Variants in SCARA5 observed in about 807,000 individuals in gnomAD.
SCARA5 encodes scavenger receptor class A member 5, also known as scavenger receptor class A, member 5 (putative).
SCARA5 carries 45 observed loss-of-function variants against 46.3 expected under a neutral mutation model. That is an observed-to-expected ratio of 0.97 (90% CI 0.76 to 1.24). The LOEUF (loss-of-function observed/expected upper bound fraction) is 1.24. SCARA5 is among the 50% of genes most tolerant of loss of function. The pLI is 0.00. For synonymous variants in SCARA5, 333 were observed against 306.5 expected (o/e 1.09, Z -0.90); for missense variants, 680 against 689.0 (o/e 0.99, Z 0.15).
intron 1 of SCARA5, among the ~76,000 whole-genome samples, chr8:27,990,098 TGGGAC>T (rs1339575832): frequency 6.6e-6 from 1 of 152,214 alleles, no homozygotes; most frequent in African/African-American, 2.4e-5. Context: ...GGTCAGCTCC[TGGGAC>T]GGGGCTGGAA....
intron 7 of SCARA5, among the ~76,000 whole-genome samples, chr8:27,884,162 T>G (rs762172632): frequency 4.6e-5 from 7 of 152,160 alleles, no homozygotes; most frequent in Non-Finnish European, 8.8e-5. Flanking sequence ...CTCTCGATAT[T>G]GGATGTATTT....
intron 3 of SCARA5, among the ~76,000 whole-genome samples, chr8:27,949,863 C>G (rs1808096386): frequency 6.6e-6 from 1 of 152,196 alleles, no homozygotes; most frequent in Admixed American, 6.5e-5. Flanking sequence ...GGGGTGGGAC[C>G]TGAGGGGAGC....
intron 2 of SCARA5, among the ~76,000 whole-genome samples, chr8:27,980,102 C>T (rs891414660): frequency 2.6e-5 from 4 of 152,096 alleles, no homozygotes; most frequent in South Asian, 2.1e-4. Flanking sequence ...CCAGCTAGAG[C>T]GATGGTAAAT....
At chr8:27,944,798 A>T (rs772063347) in intron 3 of SCARA5, among the ~76,000 whole-genome samples, 1 of 151,708 alleles carries the variant, frequency 6.6e-6, no homozygotes, top group African/African-American at 2.4e-5. Context: ...TGAACCTGGG[A>T]GGCAGAGGTT....
intron 2 of SCARA5, among the ~76,000 whole-genome samples, chr8:27,986,182 G>C (rs549277524): frequency 6.6e-6 from 1 of 152,356 alleles, no homozygotes; most frequent in East Asian, 1.9e-4. Flanking sequence ...CAGAACCCCA[G>C]GCCTTCTCCT....
chr8:27,968,850 A>G (rs1476013457), intron 2 of SCARA5, among the ~76,000 whole-genome samples: 1 of 152,208 alleles, frequency 6.6e-6, no homozygotes, highest in Non-Finnish European at 1.5e-5. Context: ...ATTAAAAAGA[A>G]TATTTCCCTT....
intron 2 of SCARA5, among the ~76,000 whole-genome samples, chr8:27,986,374 A>C (rs1361360541): frequency 6.6e-6 from 1 of 152,230 alleles, no homozygotes; most frequent in Non-Finnish European, 1.5e-5. Context: ...TATTATAGGC[A>C]GTTGTTCCCA....
chr8:27,960,696 T>C (rs1022187448), intron 3 of SCARA5, among the ~76,000 whole-genome samples: 5 of 152,116 alleles, frequency 3.3e-5, no homozygotes, highest in Non-Finnish European at 7.4e-5. Context: ...AAAGTCCATA[T>C]CCTGAAGAGA....
chr8:27,892,958 A>C (rs909375155), intron 7 of SCARA5, among the ~76,000 whole-genome samples: 11 of 152,092 alleles, frequency 7.2e-5, no homozygotes, highest in African/African-American at 2.4e-4. Context: ...GCAACAGGGC[A>C]TGTCAAGGAC....
chr8:27,948,144 T>A lies in SCARA5; in HGVS notation c.241+18270A>T, dbSNP rs147190948. Among the ~76,000 whole-genome samples, 282 of 152,212 alleles carry A rather than the reference T, an allele frequency of 1.9e-3. 3 individuals carry two copies. Among genetic ancestry groups the A allele is most frequent in the African/African-American group, 6.4e-3 (264 of 41,508 alleles). On this transcript the variant is annotated intron_variant, in intron 3 of 8. Coordinates refer to ENST00000354914, the MANE Select transcript of SCARA5 (RefSeq NM_173833.6). ...TGATAAATATTATGTTCTGTGTATT[T>A]CACCAGAATAAAGAAAATTCTAAAA...
rs137895423 is a variant in SCARA5 at position 27,942,620 on chromosome 8, G to A, written c.242-20375C>T. Among the ~76,000 whole-genome samples, 476 of 152,274 alleles carry A rather than the reference G, an allele frequency of 3.1e-3. 2 individuals carry two copies. Among genetic ancestry groups the A allele is most frequent in the African/African-American group, 0.01 (435 of 41,566 alleles). On this transcript the variant is annotated intron_variant, in intron 3 of 8. Coordinates refer to ENST00000354914, the MANE Select transcript of SCARA5 (RefSeq NM_173833.6). ...TTTGTATACATCAGTGGTGAACTCT[G>A]AGCACCTGCGTCCACTTCCTTCCCC...
rs74872224 is a variant in SCARA5 at position 27,884,178 on chromosome 8, G to A, written c.1154-4412C>T. ...TCTCGATATTGGATGTATTTGCTGC[G>A]GATCCTTCATCCCTGGCCAGGTGAC... On this transcript the variant is annotated intron_variant, in intron 7 of 8. Coordinates refer to ENST00000354914, the MANE Select transcript of SCARA5 (RefSeq NM_173833.6). 3.0e-4 allele frequency among the ~76,000 whole-genome samples: 46 copies of A among 152,136 alleles called. 1 individual carries two copies. The highest frequency in any genetic ancestry group is 2.2e-3 in the Admixed American group (33 of 15,282).
At chr8:27,873,420 T>C (rs1215463163) in intron 8 of SCARA5, among the ~76,000 whole-genome samples, 1 of 152,206 alleles carries the variant, frequency 6.6e-6, no homozygotes, top group East Asian at 1.9e-4. Flanking sequence ...TATGTCCAGC[T>C]GGCCTGAAGT....
At chr8:27,880,374 T>A (rs1806791619) in intron 7 of SCARA5, among the ~76,000 whole-genome samples, 2 of 132,812 alleles carry the variant, frequency 1.5e-5, no homozygotes, top group African/African-American at 2.9e-5. Flanking sequence ...CTAATTAAAC[T>A]AAAGAGCTTC....
At chr8:27,960,933 A>C (rs895755601) in intron 3 of SCARA5, among the ~76,000 whole-genome samples, 6 of 151,934 alleles carry the variant, frequency 3.9e-5, no homozygotes, top group Admixed American at 6.6e-5. Context: ...TCATGGTAAA[A>C]AATGTTTGAG....
chr8:27,927,497 T>C (rs1484051927), intron 3 of SCARA5, among the ~76,000 whole-genome samples: 3 of 152,244 alleles, frequency 2.0e-5, no homozygotes, highest in Non-Finnish European at 2.9e-5. Context: ...TTCTGGGTTT[T>C]TTCCCACCTA....
Position 27,871,684 on chromosome 8 carries a change from C to T in SCARA5, c.*250G>A. On this transcript the variant is annotated 3_prime_UTR_variant, in exon 9 of 9. Transcript: ENST00000354914. Reference sequence around the variant, plus strand: ...TGGGCAAAGTGGTGATCCAGTTGATCAGGGCTCCTCATGCAGGAACCTGGT... The same window carrying T: ...TGGGCAAAGTGGTGATCCAGTTGATTAGGGCTCCTCATGCAGGAACCTGGT... 1 of 1,370,976 alleles carries T rather than the reference C, an allele frequency of 7.3e-7. No homozygotes were observed. Among genetic ancestry groups the T allele is most frequent in the Non-Finnish European group, 9.4e-7 (1 of 1,060,742 alleles). The allele number at this position is 1,370,976 out of a possible 1,614,324, so 84.9% of individuals were successfully genotyped here.
At chr8:27,891,142 C>G (rs1194679724) in intron 7 of SCARA5, among the ~76,000 whole-genome samples, 2 of 152,112 alleles carry the variant, frequency 1.3e-5, no homozygotes, top group African/African-American at 4.8e-5. Context: ...CTCAACCTTC[C>G]CTCTATAAAG....
At chr8:27,892,695 G>C (rs2685378) in intron 7 of SCARA5, among the ~76,000 whole-genome samples, 1 of 148,730 alleles carries the variant, frequency 6.7e-6, no homozygotes, top group African/African-American at 2.5e-5. Context: ...CTCAAGCCCC[G>C]CCTCCGGGGT....
Sources: gnomAD v4.1 joint callset for allele counts (sites outside exome capture counted in the v4.1 genomes callset) on GRCh38, gnomAD v4.1.1 for gene constraint, MANE v1.5 for transcripts, NCBI Gene and HGNC (gene_info 2026-07-23, HGNC 2026-07-21) for gene names.